TANC1: variants seen among roughly 807,000 people sequenced by gnomAD.
TANC1 encodes protein TANC1.
Under a neutral mutation model 149.7 loss-of-function variants are expected in TANC1, and 77 were observed. The ratio of observed to expected loss-of-function variants is 0.51; its 90% CI spans 0.43 to 0.62. The LOEUF (loss-of-function observed/expected upper bound fraction) is 0.62, where lower values mean the gene tolerates loss of function less well. Among genes scored for constraint, TANC1 ranks in the 20% least tolerant of loss-of-function variants. The pLI is 0.00. For missense variants in TANC1, 1,985 were observed against 2,321.8 expected (o/e 0.85, Z 2.98); for synonymous variants, 854 against 925.0 (o/e 0.92, Z 1.39).
At chr2:159,189,746 T>C (rs1265784687) in intron 16 of TANC1, among the ~76,000 whole-genome samples, 1 of 152,172 alleles carries the variant, frequency 6.6e-6, no homozygotes. Context: ...TTGATGTGTT[T>C]ACAGCCCTGG....
intron 1 of TANC1, among the ~76,000 whole-genome samples, chr2:158,970,140 G>T (rs185055606): frequency 6.8e-6 from 1 of 147,530 alleles, no homozygotes; most frequent in East Asian, 2.0e-4. Flanking sequence ...GTTAATGCGT[G>T]TTTGGAGGGG....
Position 159,051,876 on chromosome 2 carries a change from C to T in TANC1, c.-15-14020C>T, listed in dbSNP as rs140024438. Among the ~76,000 whole-genome samples, 318 of 152,236 alleles carry T rather than the reference C, an allele frequency of 2.1e-3. 1 individual carries two copies. Among genetic ancestry groups the T allele is most frequent in the Middle Eastern group, 0.01 (3 of 294 alleles). On this transcript the variant is annotated intron_variant, in intron 2 of 26. Coordinates refer to ENST00000263635, the MANE Select transcript of TANC1 (RefSeq NM_033394.3). ...ATTGCGCTCTTGCAGCTGTTCCTAA[C>T]CATGAAAACAAAAACCATCTCGGTT...
chr2:159,207,245 C>A (rs556709156), intron 19 of TANC1, among the ~76,000 whole-genome samples: 198 of 152,334 alleles, frequency 1.3e-3, no homozygotes, highest in Non-Finnish European at 2.3e-3. Flanking sequence ...GGAACACAAT[C>A]CTTGTAAACC....
rs537109881 is a variant in TANC1 at position 159,179,249 on chromosome 2, A to G, written c.2510+86A>G. The stretch of plus-strand genomic sequence containing the variant: ...ATTTAAATGTGATGCACGTGTCTCA[A>G]TGGAAGGGCAATCCAGAATGACTAA... On this transcript the variant is annotated intron_variant, in intron 14 of 26. Transcript: ENST00000263635. 5 of 1,478,702 alleles carry G rather than the reference A, an allele frequency of 3.4e-6. No individual in the cohort carries two copies. The Admixed American group carries it at 8.6e-5, about 25-fold the overall frequency. The allele number at this position is 1,478,702 out of a possible 1,614,324, so 91.6% of individuals were successfully genotyped here.
At chr2:159,177,833 A>T (rs1487059704) in intron 13 of TANC1, among the ~76,000 whole-genome samples, 1 of 152,236 alleles carries the variant, frequency 6.6e-6, no homozygotes, top group Non-Finnish European at 1.5e-5. Flanking sequence ...GGAAGGGCAC[A>T]TGAGGCTTCT....
At chr2:159,032,047 C>G (rs74607647) in intron 2 of TANC1, among the ~76,000 whole-genome samples, 7,521 of 152,196 alleles carry the variant, frequency 0.049, 589 homozygotes, top group African/African-American at 0.17. Flanking sequence ...TCATATGGCC[C>G]TGGGGTATCT....
chr2:159,078,841 C>G (rs1245598294), intron 3 of TANC1, among the ~76,000 whole-genome samples: 5 of 152,152 alleles, frequency 3.3e-5, no homozygotes, highest in Non-Finnish European at 5.9e-5. Context: ...ATAATTTTTT[C>G]TGAACCTGTT....
In TANC1 at chr2:159,145,650, C is replaced by G. The variant is rs183709595; in HGVS notation, c.365-3492C>G. Among the ~76,000 whole-genome samples the G allele has an allele frequency of 1.4e-4, 21 of 152,244 alleles. No homozygotes were observed. The East Asian group carries it at 4.0e-3, about 29-fold the overall frequency. ...TGGACTGCTCCTTAGCATTTGTGCC[C>G]CCATATGTGGTCCACAAGGGGGTGA... On this transcript the variant is annotated intron_variant, in intron 5 of 26. Transcript: ENST00000263635.
In TANC1 at chr2:159,111,635, C is replaced by T. The variant is rs559213384; in HGVS notation, c.259+13801C>T. On this transcript the variant is annotated intron_variant, in intron 4 of 26. Coordinates refer to ENST00000263635, the MANE Select transcript of TANC1 (RefSeq NM_033394.3). The stretch of plus-strand genomic sequence containing the variant: ...ACCAGAATCCCGTATAGGAGGGGCA[C>T]GTGGGGCTGAGACGGGCTGAGGGAC... 3.9e-5 allele frequency among the ~76,000 whole-genome samples: 6 copies of T among 152,144 alleles called. No homozygotes were observed. The East Asian group carries it at 7.7e-4, about 20-fold the overall frequency.
chr2:159,152,682 C>A (rs1389193401), intron 7 of TANC1, among the ~76,000 whole-genome samples: 1 of 152,094 alleles, frequency 6.6e-6, no homozygotes, highest in African/African-American at 2.4e-5. Context: ...ACATATTTCA[C>A]TGTGTTACCC....
chr2:159,136,025 TGTGTGTGTGTGTGTGTGTGTGTGTGC>T (rs1407811036), intron 4 of TANC1, among the ~76,000 whole-genome samples, 143 bp from the exon 5 acceptor site: 4 of 104,588 alleles, frequency 3.8e-5, no homozygotes, highest in Non-Finnish European at 7.5e-5. Flanking sequence ...TGTGTGTGTG[TGTGTGTGTGTGTGTGTGTGTGTGTGC>T]GCGCGCGCGC....
At chr2:158,979,677 A>T (rs888693970) in intron 1 of TANC1, among the ~76,000 whole-genome samples, 1 of 152,074 alleles carries the variant, frequency 6.6e-6, no homozygotes, top group Admixed American at 6.5e-5. Context: ...TATTTTCATG[A>T]GTCTTTGGAA....
At chr2:159,187,673 G>A (rs1461771982) in intron 16 of TANC1, among the ~76,000 whole-genome samples, 3 of 152,148 alleles carry the variant, frequency 2.0e-5, no homozygotes, top group South Asian at 2.1e-4. Context: ...AGGCCTTTCA[G>A]CTTCAGGCCC....
chr2:159,009,219 T>C (rs963194349), intron 2 of TANC1, among the ~76,000 whole-genome samples: 1 of 152,152 alleles, frequency 6.6e-6, no homozygotes, highest in Admixed American at 6.5e-5. Flanking sequence ...TCAAAAAAGC[T>C]AAAAACACAG....
At chr2:159,087,521 T>G (rs1333474190) in intron 3 of TANC1, among the ~76,000 whole-genome samples, 14 of 150,366 alleles carry the variant, frequency 9.3e-5, no homozygotes, top group African/African-American at 2.2e-4. Flanking sequence ...TTTTGTTTTT[T>G]TTTTGACACA....
chr2:159,026,025 C>G (rs571778778), intron 2 of TANC1, among the ~76,000 whole-genome samples: 18 of 152,192 alleles, frequency 1.2e-4, no homozygotes, highest in Non-Finnish European at 2.4e-4. Flanking sequence ...GCCTCCAGTC[C>G]TGGGCTCAAG....
At position 159,219,336 on chromosome 2, in the gene TANC1, C is replaced by T; in HGVS notation, c.3477C>T (p.Ser1159=). The T allele has an allele frequency of 6.2e-7, 1 of 1,613,970 alleles. No homozygotes were observed. Among genetic ancestry groups the T allele is most frequent in the Non-Finnish European group, 8.5e-7 (1 of 1,179,948 alleles). Residue 1159 remains serine, a synonymous_variant, in exon 21 of 27, where the codon AGC becomes AGT. Transcript: ENST00000263635. Reference sequence around the variant, plus strand: ...TGGCTGCTTGTGAAGGGCACTTGAGCACCGTGGAATTCCTCCTTTCAAAAG... The same window carrying T: ...TGGCTGCTTGTGAAGGGCACTTGAGTACCGTGGAATTCCTCCTTTCAAAAG... The part of the protein sequence containing the change: ...LMVAACEGHL[S]TVEFLLSKGA...
intron 8 of TANC1, among the ~76,000 whole-genome samples, chr2:159,166,867 G>T (rs191751417): frequency 1.3e-3 from 197 of 152,308 alleles, no homozygotes; most frequent in Non-Finnish European, 2.3e-3. Context: ...TTTCAGCTCG[G>T]CTTAATCGTA....
chr2:158,997,025 A>G (rs1025374168), intron 1 of TANC1, among the ~76,000 whole-genome samples: 2 of 152,112 alleles, frequency 1.3e-5, no homozygotes, highest in Non-Finnish European at 2.9e-5. Context: ...CTGTGGGAAA[A>G]GAATCTACCT....
Sources: gnomAD v4.1 joint callset for allele counts (sites outside exome capture counted in the v4.1 genomes callset) on GRCh38, gnomAD v4.1.1 for gene constraint, MANE v1.5 for transcripts, NCBI Gene and HGNC (gene_info 2026-07-23, HGNC 2026-07-21) for gene names.